Variants in HS6ST3 observed in about 807,000 individuals in gnomAD.
The protein encoded by HS6ST3 is heparan sulfate 6-O-sulfotransferase 3, also known as heparan-sulfate 6-O-sulfotransferase 3.
A neutral mutation model predicts 36.7 loss-of-function variants in HS6ST3; 12 were observed. The ratio of observed to expected loss-of-function variants is 0.33; its 90% confidence interval spans 0.21 to 0.53. The LOEUF (loss-of-function observed/expected upper bound fraction) is 0.53. HS6ST3 is among the 20% of genes least tolerant of loss of function. The pLI is 0.95. For synonymous variants in HS6ST3, 240 were observed against 257.5 expected, an observed-to-expected ratio of 0.93 and a Z score of 0.65; for missense variants, 584 against 640.9, an observed-to-expected ratio of 0.91 and a Z score of 0.96.
intron 1 of HS6ST3, among the ~76,000 whole-genome samples, chr13:96,323,323 T>A (rs1007843692): frequency 6.6e-6 from 1 of 152,176 alleles, no homozygotes; most frequent in Non-Finnish European, 1.5e-5. Context: ...AAACTAAAAA[T>A]CTTGTATTAT....
chr13:96,241,213 T>G (rs1594728095), intron 1 of HS6ST3, among the ~76,000 whole-genome samples: 1 of 152,206 alleles, frequency 6.6e-6, no homozygotes, highest in Non-Finnish European at 1.5e-5. Flanking sequence ...AAATAATTTT[T>G]GATGCTAGAT....
At chr13:96,194,723 G>C (rs1429791797) in intron 1 of HS6ST3, among the ~76,000 whole-genome samples, 1 of 152,032 alleles carries the variant, frequency 6.6e-6, no homozygotes, top group African/African-American at 2.4e-5. Context: ...CTGAAAGTTT[G>C]TATTCTTTGA....
chr13:96,412,948 A>G (rs933656829), intron 1 of HS6ST3, among the ~76,000 whole-genome samples: 4 of 152,016 alleles, frequency 2.6e-5, no homozygotes, highest in African/African-American at 9.7e-5. Context: ...AAAGAATGCA[A>G]TATAAAGGGA....
chr13:96,653,370 C>G (rs1429793902), intron 1 of HS6ST3, among the ~76,000 whole-genome samples: 2 of 152,100 alleles, frequency 1.3e-5, no homozygotes, highest in African/African-American at 2.4e-5. Context: ...GCCCCTCACC[C>G]ACTGACAAGC....
chr13:96,680,655 C>T (rs554644526), intron 1 of HS6ST3, among the ~76,000 whole-genome samples: 3 of 152,326 alleles, frequency 2.0e-5, no homozygotes, highest in African/African-American at 7.2e-5. Flanking sequence ...GTTATATCTG[C>T]ATGGGCTGCC....
chr13:96,165,324 C>T (rs2056275436), intron 1 of HS6ST3, among the ~76,000 whole-genome samples: 1 of 152,154 alleles, frequency 6.6e-6, no homozygotes, highest in African/African-American at 2.4e-5. Context: ...AGCCCCATGG[C>T]TTCCCCTGTA....
At chr13:96,726,722 C>A (rs1255249522) in intron 1 of HS6ST3, among the ~76,000 whole-genome samples, 2 of 152,102 alleles carry the variant, frequency 1.3e-5, no homozygotes, top group African/African-American at 4.8e-5. Context: ...CATATGCCTT[C>A]CTTTAAGATT....
At chr13:96,598,668 T>A (rs1798996595) in intron 1 of HS6ST3, among the ~76,000 whole-genome samples, 1 of 152,192 alleles carries the variant, frequency 6.6e-6, no homozygotes, top group Non-Finnish European at 1.5e-5. Context: ...CCTTTATTTC[T>A]TTCTACTGCC....
chr13:96,498,393 G>A (rs191481580), intron 1 of HS6ST3, among the ~76,000 whole-genome samples: 1 of 152,194 alleles, frequency 6.6e-6, no homozygotes, highest in East Asian at 1.9e-4. Flanking sequence ...GCGTGTCAAG[G>A]CACCATCTTT....
chr13:96,505,516 A>T (rs2056022680), intron 1 of HS6ST3, among the ~76,000 whole-genome samples: 1 of 152,144 alleles, frequency 6.6e-6, no homozygotes, highest in African/African-American at 2.4e-5. Context: ...ACCTCCCTGT[A>T]GCTCTCTCTG....
intron 1 of HS6ST3, among the ~76,000 whole-genome samples, chr13:96,646,470 T>C (rs1296870693): frequency 6.6e-6 from 1 of 152,050 alleles, no homozygotes; most frequent in Non-Finnish European, 1.5e-5. Context: ...ATATAATTAC[T>C]ATAAGATGGC....
intron 1 of HS6ST3, among the ~76,000 whole-genome samples, chr13:96,173,669 T>TAAAAA (rs5805954): frequency 1.1e-5 from 1 of 94,862 alleles, no homozygotes; most frequent in African/African-American, 4.2e-5. Flanking sequence ...TCACAGGTTG[T>TAAAAA]AAAAAAAAAA....
chr13:96,119,748 T>A (rs1309645558), intron 1 of HS6ST3, among the ~76,000 whole-genome samples: 1 of 152,178 alleles, frequency 6.6e-6, no homozygotes, highest in Non-Finnish European at 1.5e-5. Context: ...ATTTAATACA[T>A]TTCTGCTCCC....
intron 1 of HS6ST3, among the ~76,000 whole-genome samples, chr13:96,226,219 A>G (rs2139365055): frequency 6.6e-6 from 1 of 152,340 alleles, no homozygotes; most frequent in Non-Finnish European, 1.5e-5. Flanking sequence ...GAAGATTTTT[A>G]TGATTAAGAT....
In HS6ST3 at chr13:96,115,835, C is replaced by T. The variant is rs146980680; in HGVS notation, c.707+24266C>T. On this transcript the variant is annotated intron_variant, in intron 1 of 1. Coordinates refer to ENST00000376705, the MANE Select transcript of HS6ST3 (RefSeq NM_153456.4). ...GGAATCGCCATACTGTCTTCCACAA[C>T]GGTTGAACTAATTTACATTCCCACC... Among the ~76,000 whole-genome samples, 605 of 152,240 alleles carry T rather than the reference C, an allele frequency of 4.0e-3. 3 individuals carry two copies. Among genetic ancestry groups the T allele is most frequent in the African/African-American group, 0.013 (549 of 41,548 alleles).
At chr13:96,599,857 T>C (rs2056415124) in intron 1 of HS6ST3, among the ~76,000 whole-genome samples, 1 of 152,112 alleles carries the variant, frequency 6.6e-6, no homozygotes. Flanking sequence ...TTGAAAAAAT[T>C]TTCTAATTTC....
Position 96,471,477 on chromosome 13 carries a change from G to T in HS6ST3, c.708-361013G>T, listed in dbSNP as rs573100703. Among the ~76,000 whole-genome samples the T allele has an allele frequency of 3.3e-5, 5 of 152,260 alleles. No homozygotes were observed. The South Asian group carries it at 8.3e-4, about 25-fold the overall frequency. On this transcript the variant is annotated intron_variant, in intron 1 of 1. Transcript: ENST00000376705. Reference sequence around the variant, plus strand: ...GTCATGGGCTGCTCGCAGAATGGGGGTCATGAGCTGAACAGGCACTCAGTG... The same window carrying T: ...GTCATGGGCTGCTCGCAGAATGGGGTTCATGAGCTGAACAGGCACTCAGTG...
intron 1 of HS6ST3, among the ~76,000 whole-genome samples, chr13:96,562,139 A>T (rs2056264620): frequency 6.6e-6 from 1 of 152,242 alleles, no homozygotes. Flanking sequence ...GGTACCCCTC[A>T]ATGGTGGATA....
chr13:96,228,682 C>A (rs1035839084), intron 1 of HS6ST3, among the ~76,000 whole-genome samples: 1 of 152,134 alleles, frequency 6.6e-6, no homozygotes, highest in African/African-American at 2.4e-5. Flanking sequence ...ATGTTGTTTG[C>A]CACCCCTTAT....
Sources: allele counts gnomAD v4.1 joint callset (sites outside exome capture counted in the v4.1 genomes callset), GRCh38; gene constraint gnomAD v4.1.1; transcripts MANE v1.5; gene names NCBI Gene and HGNC (gene_info 2026-07-23, HGNC 2026-07-21).